Variants in AP4E1 observed in about 807,000 individuals in gnomAD.
AP4E1 encodes the protein AP-4 complex subunit epsilon-1.
Under a neutral mutation model 128.2 loss-of-function variants are expected in AP4E1, and 56 were observed. That is an observed-to-expected ratio of 0.44 (90% CI 0.35 to 0.55). AP4E1 has a LOEUF of 0.55. AP4E1 is among the 20% of genes least tolerant of loss of function. AP4E1 has a pLI of 0.00. For missense variants in AP4E1, 1,324 were observed against 1,307.7 expected (o/e 1.01, Z -0.19); for synonymous variants, 484 against 473.1 (o/e 1.02, Z -0.30).
At chr15:50,942,766 C>G (rs1026212709) in intron 10 of AP4E1, among the ~76,000 whole-genome samples, 1 of 150,860 alleles carries the variant, frequency 6.6e-6, no homozygotes, top group Non-Finnish European at 1.5e-5. Flanking sequence ...ACTTGGGTGT[C>G]TATATAAATA....
At chr15:50,935,124 A>G (rs1291203019) in intron 8 of AP4E1, among the ~76,000 whole-genome samples, 1 of 152,152 alleles carries the variant, frequency 6.6e-6, no homozygotes, top group Non-Finnish European at 1.5e-5. Context: ...TACTTAGAAT[A>G]CAGCAGTGAA....
At chr15:50,968,836 G>A (rs903412217) in intron 15 of AP4E1, among the ~76,000 whole-genome samples, 1 of 124,748 alleles carries the variant, frequency 8.0e-6, no homozygotes, top group Non-Finnish European at 1.8e-5. Flanking sequence ...AACTTGGCCA[G>A]GCTGGTTTCA....
rs1443181595 is a variant in AP4E1 at position 50,908,937 on chromosome 15, C to A, written c.150+9C>A. The stretch of plus-strand genomic sequence containing the variant: ...CCCTCACCTCCAAGCACGTAGGTGC[C>A]CGCCGGCCCGGGAGCTCAGGGACAT... On this transcript the variant is annotated intron_variant, in intron 1 of 20. Coordinates refer to ENST00000261842, the MANE Select transcript of AP4E1 (RefSeq NM_007347.5). 2 of 1,610,510 alleles carry A rather than the reference C, an allele frequency of 1.2e-6. No homozygotes were observed. Among genetic ancestry groups the A allele is most frequent in the Non-Finnish European group, 8.5e-7 (1 of 1,179,368 alleles).
At chr15:50,938,030 T>G in intron 8 of AP4E1, among the ~76,000 whole-genome samples, 1 of 152,100 alleles carries the variant, frequency 6.6e-6, no homozygotes, top group East Asian at 1.9e-4. Context: ...TAGATAGAAG[T>G]ACTTTTCCGT....
intron 15 of AP4E1, among the ~76,000 whole-genome samples, chr15:50,976,262 G>A (rs1398640239): frequency 6.6e-6 from 1 of 152,074 alleles, no homozygotes; most frequent in Non-Finnish European, 1.5e-5. Flanking sequence ...CATGTTAACA[G>A]AATAAAGGAT....
rs114901551 is a variant in AP4E1 at position 50,932,366 on chromosome 15, A to T, written c.869+1395A>T. Among the ~76,000 whole-genome samples, 916 of 152,268 alleles carry T rather than the reference A, an allele frequency of 6.0e-3. 9 individuals are homozygous for T. Among genetic ancestry groups the T allele is most frequent in the African/African-American group, 0.021 (860 of 41,546 alleles). On this transcript the variant is annotated intron_variant, in intron 7 of 20. Coordinates refer to ENST00000261842, the MANE Select transcript of AP4E1 (RefSeq NM_007347.5). ...TCCCTTACATCCTGCACCTAGATTC[A>T]TCAATTTATTTTCATTTGTTCTATC...
Position 50,925,127 on chromosome 15 carries a change from G to A in AP4E1, c.450G>A (p.Val150=), listed in dbSNP as rs770432473. 2.5e-6 allele frequency: 4 copies of A among 1,614,052 alleles called. No homozygotes were observed. Among genetic ancestry groups the A allele is most frequent in the South Asian group, 1.1e-5 (1 of 91,086 alleles). ...TGCAGAGCACTAACCTAGTAGAAGT[G>A]TGTATGGCACTGACTGTTGTTAGCC... ...KDLQSTNLVE[V]CMALTVVSQI... The change falls in exon 5 of 21, where the codon GTG becomes GTA. Residue 150 remains valine (V), a synonymous_variant. Coordinates refer to ENST00000261842, the MANE Select transcript of AP4E1 (RefSeq NM_007347.5).
chr15:50,918,840 T>C (rs893564843), intron 3 of AP4E1, among the ~76,000 whole-genome samples: 5 of 152,226 alleles, frequency 3.3e-5, no homozygotes, highest in African/African-American at 1.2e-4. Context: ...ATAATTTTTA[T>C]TGGGTGGATG....
upstream of AP4E1, among the ~76,000 whole-genome samples, chr15:50,908,155 T>G (rs370028851): frequency 5.3e-5 from 8 of 152,012 alleles, no homozygotes; most frequent in Admixed American, 6.5e-5. Context: ...TGGCCGCGAG[T>G]CCCCGGCACG....
At chr15:50,928,121 A>G (rs1305630810) in intron 5 of AP4E1, among the ~76,000 whole-genome samples, 7 of 152,146 alleles carry the variant, frequency 4.6e-5, no homozygotes. Flanking sequence ...AAACAGATGA[A>G]CTGGGCAAAG....
chr15:50,984,185 C>A (rs2064684214), intron 16 of AP4E1, 40 bp downstream of exon 16: 8 of 1,609,220 alleles, frequency 5.0e-6, no homozygotes, highest in Middle Eastern at 3.3e-4. Flanking sequence ...TATGGGAGTG[C>A]TTAAATGTCT....
chr15:50,991,802 C>T (rs1177270640), intron 16 of AP4E1, among the ~76,000 whole-genome samples: 1 of 151,970 alleles, frequency 6.6e-6, no homozygotes, highest in African/African-American at 2.4e-5. Flanking sequence ...ATGATTCCAA[C>T]AATTTCAATA....
intron 15 of AP4E1, among the ~76,000 whole-genome samples, chr15:50,977,145 G>T (rs935110677): frequency 3.9e-5 from 6 of 152,006 alleles, no homozygotes; most frequent in African/African-American, 1.2e-4. Flanking sequence ...GACATCCAGG[G>T]CCTAGAGTGA....
intron 5 of AP4E1, among the ~76,000 whole-genome samples, chr15:50,927,852 T>G (rs1480343510): frequency 6.6e-6 from 1 of 152,162 alleles, no homozygotes; most frequent in East Asian, 1.9e-4. Flanking sequence ...AAATATCTGT[T>G]AAGGAACCCT....
chr15:50,953,243 G>A (rs1235922128), intron 13 of AP4E1, among the ~76,000 whole-genome samples: 1 of 151,866 alleles, frequency 6.6e-6, no homozygotes, highest in Non-Finnish European at 1.5e-5. Flanking sequence ...GTGGCCATTA[G>A]TTTTTTTTGT....
At chr15:50,970,712 C>T (rs1246664928) in intron 15 of AP4E1, among the ~76,000 whole-genome samples, 7 of 152,080 alleles carry the variant, frequency 4.6e-5, no homozygotes, top group Non-Finnish European at 7.4e-5. Flanking sequence ...TTGTCTGGAA[C>T]GTCTTTTTCC....
chr15:50,941,871 A>T (rs2063993919), intron 10 of AP4E1, 96 bp downstream of exon 10: 1 of 866,810 alleles, frequency 1.2e-6, no homozygotes, highest in East Asian at 2.6e-5. Flanking sequence ...GGCAGTGTGT[A>T]TGTTTGCTCG....
intron 7 of AP4E1, among the ~76,000 whole-genome samples, chr15:50,931,722 G>A (rs1186420994): frequency 2.6e-5 from 4 of 151,906 alleles, no homozygotes; most frequent in Admixed American, 6.6e-5. Flanking sequence ...ATCTCAAATC[G>A]GCACATCATG....
chr15:50,979,699 A>G (rs1175700417), intron 15 of AP4E1, among the ~76,000 whole-genome samples: 2 of 151,924 alleles, frequency 1.3e-5, no homozygotes, highest in Non-Finnish European at 2.9e-5. Flanking sequence ...TAATTTTTGT[A>G]TTTTTAGTAG....
Sources: gnomAD v4.1 joint callset for allele counts (sites outside exome capture counted in the v4.1 genomes callset) on GRCh38, gnomAD v4.1.1 for gene constraint, MANE v1.5 for transcripts, NCBI Gene and HGNC (gene_info 2026-07-23, HGNC 2026-07-21) for gene names.